SUMF1: variants seen among roughly 807,000 people sequenced by gnomAD.
SUMF1 encodes formylglycine-generating enzyme.
Under a neutral mutation model 47.6 loss-of-function variants are expected in SUMF1, and 48 were observed. The ratio of observed to expected loss-of-function variants is 1.01; its 90% confidence interval spans 0.80 to 1.28. The LOEUF (loss-of-function observed/expected upper bound fraction) is 1.28. Among genes scored for constraint, SUMF1 ranks in the 50% most tolerant of loss-of-function variants. The probability of loss-of-function intolerance (pLI) is 0.00; values close to 1 mark genes in which losing one functional copy is unlikely to be tolerated. For missense variants in SUMF1, 571 were observed against 485.4 expected (o/e 1.18, Z -1.66); for synonymous variants, 230 against 192.1 (o/e 1.20, Z -1.63).
At chr3:4,334,747 T>G (rs1033020899) in intron 8 of SUMF1, among the ~76,000 whole-genome samples, 4 of 152,226 alleles carry the variant, frequency 2.6e-5, no homozygotes, top group Non-Finnish European at 5.9e-5. Flanking sequence ...TTTTAACTAT[T>G]AGGCCACAAG....
At chr3:4,037,905 C>T (rs573728271) in intron 9 of SUMF1, among the ~76,000 whole-genome samples, 1 of 152,240 alleles carries the variant, frequency 6.6e-6, no homozygotes, top group South Asian at 2.1e-4. Flanking sequence ...CCTTTGGTTT[C>T]ACAGTTGGCG....
At chr3:4,252,470 C>T (rs890422673) in intron 8 of SUMF1, among the ~76,000 whole-genome samples, 2 of 152,012 alleles carry the variant, frequency 1.3e-5, no homozygotes, top group Middle Eastern at 3.2e-3. Context: ...ATAGATTCAC[C>T]GTTTGAGACT....
chr3:4,354,182 T>A (rs1225206554), intron 8 of SUMF1, among the ~76,000 whole-genome samples: 1 of 152,122 alleles, frequency 6.6e-6, no homozygotes, highest in African/African-American at 2.4e-5. Flanking sequence ...GTCTGGTAAT[T>A]TATGTAGTTA....
At chr3:4,224,401 A>G (rs79279022) in intron 8 of SUMF1, among the ~76,000 whole-genome samples, 2,593 of 152,150 alleles carry the variant, frequency 0.017, 93 homozygotes, top group African/African-American at 0.059. Flanking sequence ...TTTTGGTGGC[A>G]AGTTTTTGGC....
At chr3:4,392,546 C>T (rs973879303) in intron 7 of SUMF1, among the ~76,000 whole-genome samples, 23 of 148,368 alleles carry the variant, frequency 1.6e-4, no homozygotes, top group African/African-American at 5.7e-4. Flanking sequence ...TTTAAGATTA[C>T]ATATATAATC....
At chr3:4,246,071 A>C (rs1034374187) in intron 8 of SUMF1, among the ~76,000 whole-genome samples, 23 of 152,200 alleles carry the variant, frequency 1.5e-4, no homozygotes, top group African/African-American at 5.5e-4. Context: ...CAAGCCAGGT[A>C]CGGGAGGGAA....
chr3:4,270,798 G>T (rs1350226630), intron 8 of SUMF1, among the ~76,000 whole-genome samples: 1 of 152,176 alleles, frequency 6.6e-6, no homozygotes, highest in African/African-American at 2.4e-5. Context: ...TAACAAAGAT[G>T]AAGGGAATGG....
At chr3:4,062,016 T>C (rs1368075912) in intron 9 of SUMF1, among the ~76,000 whole-genome samples, 1 of 151,924 alleles carries the variant, frequency 6.6e-6, no homozygotes. Flanking sequence ...TGTATTTACC[T>C]CTCCTCTAAT....
intron 8 of SUMF1, among the ~76,000 whole-genome samples, chr3:4,204,017 A>T (rs994055340): frequency 4.5e-4 from 68 of 152,054 alleles, no homozygotes; most frequent in African/African-American, 1.5e-3. Context: ...TAGTTTATAT[A>T]CCACAATTAC....
At chr3:4,094,174 G>T (rs1559465252) in intron 8 of SUMF1, among the ~76,000 whole-genome samples, 2 of 151,840 alleles carry the variant, frequency 1.3e-5, no homozygotes, top group Non-Finnish European at 2.9e-5. Context: ...TAGATGATTT[G>T]CTTTAAAAGG....
chr3:4,267,303 C>T (rs1697215687), intron 8 of SUMF1, among the ~76,000 whole-genome samples: 2 of 152,086 alleles, frequency 1.3e-5, no homozygotes, highest in Admixed American at 1.3e-4. Flanking sequence ...AGGAATGGTA[C>T]CAGTTCCTCC....
intron 8 of SUMF1, among the ~76,000 whole-genome samples, chr3:4,191,463 C>T (rs1347422986): frequency 6.6e-6 from 1 of 152,110 alleles, no homozygotes; most frequent in African/African-American, 2.4e-5. Flanking sequence ...AAGATTTAAT[C>T]TCACTGAAAG....
intron 8 of SUMF1, among the ~76,000 whole-genome samples, chr3:4,244,959 CTT>C (rs999590621): frequency 6.6e-6 from 1 of 151,802 alleles, no homozygotes; most frequent in Non-Finnish European, 1.5e-5. Context: ...TCTTTTTTCT[CTT>C]GTCTTCTTGC....
intron 9 of SUMF1, among the ~76,000 whole-genome samples, chr3:4,050,571 G>A (rs538921071): frequency 7.3e-5 from 11 of 151,220 alleles, no homozygotes; most frequent in East Asian, 2.0e-4. Context: ...GCAAGACCCC[G>A]TCTCCACTAA....
intron 3 of SUMF1, among the ~76,000 whole-genome samples, chr3:4,422,823 T>C (rs933389780): frequency 4.6e-5 from 7 of 152,236 alleles, no homozygotes; most frequent in African/African-American, 1.2e-4. Flanking sequence ...TTTCCATAGG[T>C]TTCTGAGGAA....
In SUMF1 at chr3:4,174,529, C is replaced by A. The variant is rs1431844089; in HGVS notation, c.1015-105784G>T. Among the ~76,000 whole-genome samples the A allele has an allele frequency of 2.4e-5, 3 of 126,610 alleles. No individual in the cohort carries two copies. In the East Asian group the frequency reaches 6.9e-4, roughly 29 times the overall value. 83.1% of individuals were successfully genotyped at this position (126,610 alleles called of 152,430 possible). ...AGCCAGCCTGGGCAACATGGCAAAA[C>A]CCCCATCTCTACTAAAAACACACAC... On this transcript the variant is annotated intron_variant and NMD_transcript_variant, in intron 8 of 12. Coordinates refer to the SUMF1 transcript ENST00000448413.
chr3:4,163,362 GAA>G (rs1559525195), intron 8 of SUMF1, among the ~76,000 whole-genome samples: 4 of 29,254 alleles, frequency 1.4e-4, no homozygotes, highest in African/African-American at 6.0e-4. Flanking sequence ...GAGAGAGAGA[GAA>G]AGGAAGGAAG....
intron 8 of SUMF1, among the ~76,000 whole-genome samples, chr3:4,363,314 A>G (rs975220547): frequency 6.6e-6 from 1 of 152,226 alleles, no homozygotes; most frequent in Non-Finnish European, 1.5e-5. Flanking sequence ...GTCTAGGAAC[A>G]TCAAACATAG....
intron 9 of SUMF1, among the ~76,000 whole-genome samples, chr3:4,036,584 C>G (rs1464238017): frequency 6.7e-6 from 1 of 148,584 alleles, no homozygotes. Context: ...ACTTCCATTT[C>G]CTTCTTGCTA....
Sources: allele counts gnomAD v4.1 joint callset (sites outside exome capture counted in the v4.1 genomes callset), GRCh38; gene constraint gnomAD v4.1.1; transcripts MANE v1.5; gene names NCBI Gene and HGNC (gene_info 2026-07-23, HGNC 2026-07-21).